Variants in HS3ST5 observed in about 807,000 individuals in gnomAD.
The protein encoded by HS3ST5 is heparan sulfate glucosamine 3-O-sulfotransferase 5.
HS3ST5 carries 10 observed loss-of-function variants against 25.4 expected under a neutral mutation model. The observed-to-expected ratio is 0.39, with a 90% CI of 0.24 to 0.67. HS3ST5 has a LOEUF of 0.67. Ranked by LOEUF, HS3ST5 falls within the 30% of genes least tolerant of loss-of-function variation. The pLI is 0.44. For missense variants in HS3ST5, 324 were observed against 420.7 expected, an observed-to-expected ratio of 0.77 and a Z score of 2.01; for synonymous variants, 170 against 162.4, an observed-to-expected ratio of 1.05 and a Z score of -0.36.
chr6:114,120,373 T>C (rs1476645545), intron 3 of HS3ST5, among the ~76,000 whole-genome samples: 1 of 152,186 alleles, frequency 6.6e-6, no homozygotes, highest in Non-Finnish European at 1.5e-5. Flanking sequence ...ATACAGTAAT[T>C]GTCCAAACTA....
intron 2 of HS3ST5, among the ~76,000 whole-genome samples, chr6:114,215,977 A>G (rs1036294123): frequency 6.6e-6 from 1 of 152,186 alleles, no homozygotes; most frequent in Non-Finnish European, 1.5e-5. Context: ...TCCATACTGC[A>G]TCATATTCTG....
At chr6:114,277,895 C>T (rs181918359) in intron 1 of HS3ST5, among the ~76,000 whole-genome samples, 1 of 152,088 alleles carries the variant, frequency 6.6e-6, no homozygotes, top group African/African-American at 2.4e-5. Context: ...AAAAAGATGA[C>T]TATTTTTTTT....
rs1003822709 is a variant in HS3ST5 at position 114,056,234 on chromosome 6, A to T, written c.*1023T>A. 1 of 152,174 alleles carries T rather than the reference A, an allele frequency of 6.6e-6. No homozygotes were observed. Among genetic ancestry groups the T allele is most frequent in the African/African-American group, 2.4e-5 (1 of 41,442 alleles). 9.4% of individuals were successfully genotyped at this position (152,174 alleles called of 1,614,324 possible). On this transcript the variant is annotated 3_prime_UTR_variant, in exon 5 of 5. Transcript: ENST00000312719. ...TGTTACAAAGTTGTAGCAGAGCAGC[A>T]CTAGGGTTCTTTGAGGTGGCTATTA...
intron 3 of HS3ST5, among the ~76,000 whole-genome samples, chr6:114,152,642 A>C (rs1268338993): frequency 1.3e-5 from 2 of 152,148 alleles, no homozygotes; most frequent in Non-Finnish European, 2.9e-5. Context: ...GTCGAGGCTA[A>C]AGTGGATTTT....
chr6:114,068,992 C>T (rs1442409749), intron 3 of HS3ST5, among the ~76,000 whole-genome samples: 1 of 152,016 alleles, frequency 6.6e-6, no homozygotes, highest in Non-Finnish European at 1.5e-5. Context: ...TATAGCAGCA[C>T]TAAGCAAAGA....
chr6:114,276,030 C>T (rs1009246462), intron 1 of HS3ST5, among the ~76,000 whole-genome samples: 3 of 151,864 alleles, frequency 2.0e-5, no homozygotes, highest in Admixed American at 6.6e-5. Context: ...TCTCAAACAC[C>T]ACCCGAAAAT....
At chr6:114,249,791 AT>A (rs985592375) in intron 1 of HS3ST5, among the ~76,000 whole-genome samples, 8 of 151,590 alleles carry the variant, frequency 5.3e-5, no homozygotes, top group African/African-American at 4.8e-5. Flanking sequence ...TCTGTCCAAA[AT>A]TTTTTTTTCA....
At chr6:114,220,394 T>C (rs1485816526) in intron 2 of HS3ST5, among the ~76,000 whole-genome samples, 9 of 152,082 alleles carry the variant, frequency 5.9e-5, no homozygotes, top group Non-Finnish European at 1.3e-4. Context: ...TTCTGCTCTA[T>C]TAAATCTACT....
intron 3 of HS3ST5, among the ~76,000 whole-genome samples, chr6:114,133,128 GA>G (rs1233358921): frequency 1.3e-5 from 2 of 151,966 alleles, no homozygotes; most frequent in African/African-American, 4.8e-5. Context: ...TGCCCTTCCT[GA>G]ATGATGTTCT....
At chr6:114,084,656 T>A (rs762334491) in intron 3 of HS3ST5, 153 of 1,074,052 alleles carry the variant, frequency 1.4e-4, no homozygotes, top group Middle Eastern at 5.9e-4. Flanking sequence ...AATGAGAGGC[T>A]GATGGTCAGC....
intron 2 of HS3ST5, among the ~76,000 whole-genome samples, chr6:114,227,518 T>G (rs1032790997): frequency 2.0e-5 from 3 of 151,982 alleles, no homozygotes; most frequent in African/African-American, 7.2e-5. Context: ...TTACAAATTA[T>G]AAAAATGAAG....
intron 3 of HS3ST5, among the ~76,000 whole-genome samples, chr6:114,164,343 A>C (rs755279640): frequency 1.3e-5 from 2 of 152,208 alleles, no homozygotes; most frequent in Non-Finnish European, 2.9e-5. Flanking sequence ...CTTGCAACCC[A>C]TTCTGCCATC....
intron 1 of HS3ST5, among the ~76,000 whole-genome samples, chr6:114,244,098 A>G (rs1772269721): frequency 6.6e-6 from 1 of 152,252 alleles, no homozygotes; most frequent in Admixed American, 6.5e-5. Flanking sequence ...GAGGTTATAG[A>G]GAGCAGGGAT....
intron 3 of HS3ST5, among the ~76,000 whole-genome samples, chr6:114,065,199 T>G (rs1022585442): frequency 6.6e-6 from 1 of 152,204 alleles, no homozygotes; most frequent in African/African-American, 2.4e-5. Context: ...TTATTTCCAT[T>G]TCATAGGTCA....
chr6:114,136,516 A>T (rs1002869384), intron 3 of HS3ST5, among the ~76,000 whole-genome samples: 1 of 152,234 alleles, frequency 6.6e-6, no homozygotes, highest in Non-Finnish European at 1.5e-5. Context: ...GCATGAGAAC[A>T]GACTAATACA....
intron 3 of HS3ST5, among the ~76,000 whole-genome samples, chr6:114,094,423 CTG>C (rs1489838442): frequency 7.2e-5 from 11 of 152,288 alleles, no homozygotes; most frequent in Admixed American, 4.6e-4. Flanking sequence ...AAACCATAAA[CTG>C]AGATTTCTCA....
At chr6:114,205,460 C>T (rs1025685910) in intron 2 of HS3ST5, among the ~76,000 whole-genome samples, 1 of 152,138 alleles carries the variant, frequency 6.6e-6, no homozygotes, top group African/African-American at 2.4e-5. Flanking sequence ...ACTCTGCCCT[C>T]CCAATGTATC....
At chr6:114,070,943 C>G (rs575079491) in intron 3 of HS3ST5, among the ~76,000 whole-genome samples, 2 of 152,320 alleles carry the variant, frequency 1.3e-5, no homozygotes, top group Non-Finnish European at 2.9e-5. Flanking sequence ...TCAATTTATT[C>G]TCCCTACTGA....
chr6:114,341,445 C>T (rs1051604254), intron 1 of HS3ST5, among the ~76,000 whole-genome samples: 1 of 152,282 alleles, frequency 6.6e-6, no homozygotes, highest in East Asian at 1.9e-4. Flanking sequence ...CCACCTTAAG[C>T]TGGACGCTCC....
Sources: allele counts gnomAD v4.1 joint callset (sites outside exome capture counted in the v4.1 genomes callset), GRCh38; gene constraint gnomAD v4.1.1; transcripts MANE v1.5; gene names NCBI Gene and HGNC (gene_info 2026-07-23, HGNC 2026-07-21).